Variants in CIPC observed in about 807,000 individuals in gnomAD.
CIPC encodes CLOCK interacting pacemaker, also known as CLOCK-interacting pacemaker.
In CIPC, 12 loss-of-function variants were observed where a neutral mutation model predicts 26.7. That is an observed-to-expected ratio of 0.45 (90% CI 0.29 to 0.73). The LOEUF (loss-of-function observed/expected upper bound fraction) is 0.73. Ranked by LOEUF, CIPC falls within the 30% of genes least tolerant of loss-of-function variation. CIPC has a pLI of 0.12. For missense variants in CIPC, 417 were observed against 486.5 expected, an observed-to-expected ratio of 0.86 and a Z score of 1.34; for synonymous variants, 170 against 189.8, an observed-to-expected ratio of 0.90 and a Z score of 0.86.
At chr14:77,107,661 C>CTG (rs1391508331) in intron 2 of CIPC, among the ~76,000 whole-genome samples, 2 of 143,578 alleles carry the variant, frequency 1.4e-5, no homozygotes, top group East Asian at 2.0e-4. Context: ...CACACACACT[C>CTG]TCTCTCTGAA....
chr14:77,103,373 C>G (rs2140026852), intron 1 of CIPC, among the ~76,000 whole-genome samples: 1 of 152,298 alleles, frequency 6.6e-6, no homozygotes, highest in East Asian at 1.9e-4. Flanking sequence ...CAGGGTATTC[C>G]AGATACAGTG....
chr14:77,113,362 G>A (rs927354141), intron 3 of CIPC, 63 bp from the exon 4 acceptor site: 1 of 1,581,760 alleles, frequency 6.3e-7, no homozygotes, highest in Non-Finnish European at 8.7e-7. Context: ...TTTGACAGAA[G>A]CTTCACTCCT....
At chr14:77,112,416 T>C (rs1280487962) in intron 3 of CIPC, among the ~76,000 whole-genome samples, 1 of 152,242 alleles carries the variant, frequency 6.6e-6, no homozygotes, top group Non-Finnish European at 1.5e-5. Context: ...AGACAGAGGA[T>C]GGAATCCTAA....
chr14:77,101,766 C>T (rs1001107859), intron 1 of CIPC, among the ~76,000 whole-genome samples: 1 of 152,032 alleles, frequency 6.6e-6, no homozygotes, highest in African/African-American at 2.4e-5. Flanking sequence ...GAATGGACGG[C>T]TGTGTAGAAA....
intron 1 of CIPC, among the ~76,000 whole-genome samples, chr14:77,099,411 A>G (rs905557655): frequency 6.6e-6 from 1 of 152,212 alleles, no homozygotes; most frequent in African/African-American, 2.4e-5. Flanking sequence ...AATATTAGAC[A>G]TTTAGGTAGA....
chr14:77,101,176 A>G (rs1449589431), intron 1 of CIPC, among the ~76,000 whole-genome samples: 2 of 152,318 alleles, frequency 1.3e-5, no homozygotes, highest in South Asian at 2.1e-4. Context: ...GAGGAAAAAA[A>G]TCAAGCAACT....
At chr14:77,107,734 C>T (rs1028190625) in intron 2 of CIPC, among the ~76,000 whole-genome samples, 2 of 151,906 alleles carry the variant, frequency 1.3e-5, no homozygotes, top group Non-Finnish European at 2.9e-5. Flanking sequence ...TACAGATTTC[C>T]TAAAAACAAG....
chr14:77,106,369 AC>A (rs1166854637), intron 2 of CIPC, among the ~76,000 whole-genome samples: 2 of 152,212 alleles, frequency 1.3e-5, no homozygotes, highest in African/African-American at 4.8e-5. Flanking sequence ...ACTGTGAGCC[AC>A]CTGGCCTAGC....
chr14:77,112,673 A>G (rs555320415), intron 3 of CIPC, among the ~76,000 whole-genome samples: 8 of 151,970 alleles, frequency 5.3e-5, no homozygotes, highest in African/African-American at 1.9e-4. Flanking sequence ...TAGACTCCTG[A>G]CAATATGGGT....
At chr14:77,107,345 G>T (rs1277079421) in intron 2 of CIPC, among the ~76,000 whole-genome samples, 1 of 152,040 alleles carries the variant, frequency 6.6e-6, no homozygotes, top group Non-Finnish European at 1.5e-5. Flanking sequence ...TCAGATATAA[G>T]GTGGTATTAA....
At position 77,105,558 on chromosome 14, in the gene CIPC, TG is replaced by T. The variant is rs1886574882; in HGVS notation, c.-52-96del. On this transcript the variant is annotated intron_variant, in intron 1 of 3. Transcript: ENST00000361786. Reference sequence around the variant, plus strand: ...AACCTCTGAGAAAATAAAGCTGAAGTGGGTGAGGCCAGTGTTCTTTGCCCAT... The same window carrying T: ...AACCTCTGAGAAAATAAAGCTGAAGTGGTGAGGCCAGTGTTCTTTGCCCAT... 33 of 698,694 alleles carry T rather than the reference TG, an allele frequency of 4.7e-5. 1 individual carries two copies. In the South Asian group the frequency reaches 8.4e-4, roughly 18 times the overall value. 43.3% of individuals were successfully genotyped at this position (698,694 alleles called of 1,614,324 possible).
intron 1 of CIPC, among the ~76,000 whole-genome samples, chr14:77,105,282 C>T (rs1251084969): frequency 1.3e-5 from 2 of 152,082 alleles, no homozygotes; most frequent in Non-Finnish European, 2.9e-5. Flanking sequence ...CTTCTGCCCT[C>T]TCTCTTCTCC....
chr14:77,113,895 C>A lies in CIPC; in HGVS notation c.777C>A (p.Phe259Leu), dbSNP rs773721062. ...SHVAKAPSLTFASPASPVCAS... is the reference protein window; with the variant it reads ...SHVAKAPSLTLASPASPVCAS... ...TGGCTAAAGCTCCCAGTCTGACCTTCGCTTCCCCCGCCAGTCCTGTCTGCG... is the reference window on the plus strand; with the variant it reads ...TGGCTAAAGCTCCCAGTCTGACCTTAGCTTCCCCCGCCAGTCCTGTCTGCG... Residue 259 changes from phenylalanine to leucine, a missense_variant, in exon 4 of 4, where the codon TTC (phenylalanine) becomes TTA (leucine). Physicochemically the swap from Phe to Leu is conservative, Grantham distance 22 (BLOSUM62 0). Transcript: ENST00000361786. 1 of 1,614,086 alleles carries A rather than the reference C, an allele frequency of 6.2e-7. No homozygotes were observed. Among genetic ancestry groups the A allele is most frequent in the Non-Finnish European group, 8.5e-7 (1 of 1,180,032 alleles).
At chr14:77,101,341 A>AT (rs1482300837) in intron 1 of CIPC, among the ~76,000 whole-genome samples, 1 of 152,140 alleles carries the variant, frequency 6.6e-6, no homozygotes, top group African/African-American at 2.4e-5. Flanking sequence ...TTGGGGAGGG[A>AT]TGTAGCCCTT....
At chr14:77,108,560 G>C (rs1594821257) in intron 2 of CIPC, among the ~76,000 whole-genome samples, 1 of 152,098 alleles carries the variant, frequency 6.6e-6, no homozygotes, top group Non-Finnish European at 1.5e-5. Flanking sequence ...GCGTGATGGT[G>C]CATTCCTGTA....
intron 3 of CIPC, among the ~76,000 whole-genome samples, chr14:77,110,728 A>G (rs1051701813): frequency 6.6e-6 from 1 of 152,258 alleles, no homozygotes; most frequent in African/African-American, 2.4e-5. Flanking sequence ...GATTGATTTC[A>G]GCCAAAGAAA....
At chr14:77,102,096 C>G (rs202041079) in intron 1 of CIPC, among the ~76,000 whole-genome samples, 19 of 54,100 alleles carry the variant, frequency 3.5e-4, no homozygotes, top group African/African-American at 8.0e-4. Context: ...AAATAAAAAA[C>G]AAAACAAAAA....
intron 1 of CIPC, chr14:77,099,294 C>T (rs4903541): frequency 0.19 from 29,472 of 152,166 alleles, 3,198 homozygotes; most frequent in Non-Finnish European, 0.26. Context: ...GAAAATAGAG[C>T]CAAACTGGTC....
At chr14:77,106,258 T>C (rs1886588682) in intron 2 of CIPC, among the ~76,000 whole-genome samples, 1 of 152,188 alleles carries the variant, frequency 6.6e-6, no homozygotes, top group Non-Finnish European at 1.5e-5. Flanking sequence ...CTGTATATAA[T>C]TTGTAAGGTA....
Sources: allele counts gnomAD v4.1 joint callset (sites outside exome capture counted in the v4.1 genomes callset), GRCh38; gene constraint gnomAD v4.1.1; transcripts MANE v1.5; gene names NCBI Gene and HGNC (gene_info 2026-07-23, HGNC 2026-07-21).